PLS3: variants seen among roughly 807,000 people sequenced by gnomAD.
PLS3 encodes the protein plastin-3.
Under a neutral mutation model 46.5 loss-of-function variants are expected in PLS3, and 11 were observed. The observed-to-expected ratio is 0.24, with a 90% CI of 0.15 to 0.39. PLS3 has a LOEUF of 0.39. Among genes scored for constraint, PLS3 ranks in the 10% least tolerant of loss-of-function variants. The pLI, the probability that PLS3 is intolerant of heterozygous loss-of-function variation, is 1.00. For synonymous variants in PLS3, 167 were observed against 162.2 expected (o/e 1.03, Z -0.22); for missense variants, 308 against 461.8 (o/e 0.67, Z 3.05).
intron 1 of PLS3, among the ~76,000 whole-genome samples, chrX:115,606,173 T>C (rs1358891759): frequency 1.4e-5 from 1 of 69,885 alleles, no homozygotes; most frequent in Non-Finnish European, 2.5e-5. Context: ...TTCTTTTTTT[T>C]TTTTTTTTTT....
intron 2 of PLS3, chrX:115,614,675 C>T (rs1171853141): frequency 2.8e-6 from 1 of 357,427 alleles, no homozygotes; most frequent in African/African-American, 2.8e-5. Context: ...TTAAATTCTT[C>T]TGCCCAAGTC....
chrX:115,634,772 T>C (rs1243657746), intron 6 of PLS3, 109 bp from the exon 7 acceptor site: 6 of 710,741 alleles, frequency 8.4e-6, no homozygotes, highest in African/African-American at 2.2e-5. Flanking sequence ...ATGAAATTAA[T>C]ACAGGGTATT....
At chrX:115,606,961 C>T (rs917660440) in intron 1 of PLS3, among the ~76,000 whole-genome samples, 1 of 110,766 alleles carries the variant, frequency 9.0e-6, no homozygotes, top group Admixed American at 9.7e-5. Context: ...TTTAAAATGC[C>T]TAACTTCAGG....
chrX:115,629,988 A>C (rs933412050), intron 5 of PLS3, 21 bp downstream of exon 5: 12 of 1,093,899 alleles, frequency 1.1e-5, no homozygotes, highest in African/African-American at 1.8e-5. Context: ...AGCTTGTTTT[A>C]TATCCAGATA....
At chrX:115,622,045 T>A (rs1482875172) in intron 2 of PLS3, 1 of 368,585 alleles carries the variant, frequency 2.7e-6, no homozygotes, top group Non-Finnish European at 4.6e-6. Flanking sequence ...ACACATTGCT[T>A]AAATCACAGG....
chrX:115,629,635 G>A (rs1556638971), intron 4 of PLS3, among the ~76,000 whole-genome samples, 200 bp from the exon 5 acceptor site: 1 of 111,545 alleles, frequency 9.0e-6, no homozygotes, highest in Non-Finnish European at 1.9e-5. Context: ...ACTGGTTAAC[G>A]TGTTCTATTC....
chrX:115,631,396 A>T (rs1271037867), intron 5 of PLS3, among the ~76,000 whole-genome samples: 1 of 109,564 alleles, frequency 9.1e-6, no homozygotes, highest in Non-Finnish European at 1.9e-5. Flanking sequence ...AGTATACACA[A>T]TTCTTCTTTT....
chrX:115,561,216 T>C lies in PLS3; in HGVS notation c.-53T>C, dbSNP rs1206696322. 4 of 112,006 alleles carry C rather than the reference T, an allele frequency of 3.6e-5. No individual in the cohort carries two copies. Among genetic ancestry groups the C allele is most frequent in the African/African-American group, 1.3e-4 (4 of 30,754 alleles). 9.2% of individuals were successfully genotyped at this position (112,006 alleles called of 1,213,427 possible). A position where few individuals can be genotyped will look rare whatever the true frequency, so the allele number is the denominator to read the frequency against. On this transcript the variant is annotated 5_prime_UTR_variant, in exon 1 of 16. Transcript: ENST00000355899. ...GAGGTGCAGAAGTTGTCTGAGTGGG[T>C]TGGTCGGCGGCAGTCGGGCCAGACC...
chrX:115,634,904 C>T lies in PLS3; in HGVS notation c.606C>T (p.Asn202=), dbSNP rs782582437. The T allele has an allele frequency of 3.3e-6, 4 of 1,208,908 alleles. No individual in the cohort carries two copies. The Admixed American group carries it at 8.8e-5, about 26-fold the overall frequency. Residue 202 remains asparagine, a synonymous_variant, in exon 7 of 16, where the codon AAC becomes AAT. Transcript: ENST00000355899. ...IIQENLNLAL[N]SASAIGCHVV... ...AGGAAAACTTGAACTTGGCACTGAA[C>T]TCTGCTTCTGCCATTGGGTGTCATG...
chrX:115,626,009 A>C (rs983013262), intron 3 of PLS3, among the ~76,000 whole-genome samples: 5 of 112,479 alleles, frequency 4.4e-5, no homozygotes, highest in Non-Finnish European at 9.4e-5. Context: ...TGATAAAGCA[A>C]GTCTTTCCTT....
intron 1 of PLS3, among the ~76,000 whole-genome samples, chrX:115,583,197 A>G (rs1421084574): frequency 8.9e-6 from 1 of 112,698 alleles, no homozygotes; most frequent in Non-Finnish European, 1.9e-5. Flanking sequence ...TGTAAAGCTC[A>G]GGACAGTCTA....
intron 2 of PLS3, among the ~76,000 whole-genome samples, chrX:115,617,292 G>T (rs1556636946): frequency 8.9e-6 from 1 of 111,837 alleles, no homozygotes; most frequent in Non-Finnish European, 1.9e-5. Flanking sequence ...TCCTTGATGG[G>T]TGTGTTCACT....
chrX:115,591,449 C>T (rs186898405), intron 1 of PLS3, among the ~76,000 whole-genome samples: 31 of 111,669 alleles, frequency 2.8e-4, no homozygotes, highest in African/African-American at 9.8e-4. Flanking sequence ...AAACTTGAAA[C>T]GAGAGAAAGC....
rs147218070 is a variant in PLS3 at position 115,643,744 on chromosome X, G to A, written c.1183+236G>A. On this transcript the variant is annotated intron_variant, in intron 10 of 15. Transcript: ENST00000355899. ...CCAGCACTTTGGGAGGCCGACATGG[G>A]CGGATCACCTGAGGTCAGTAGTTTG... is the stretch of plus-strand genomic sequence containing the variant. Among the ~76,000 whole-genome samples, 583 of 111,455 alleles carry A rather than the reference G, an allele frequency of 5.2e-3. 15 individuals carry two copies. The highest frequency in any genetic ancestry group is 0.039 in the Admixed American group (404 of 10,435).
chrX:115,595,107 C>G (rs2074375789), intron 1 of PLS3, among the ~76,000 whole-genome samples: 1 of 111,801 alleles, frequency 8.9e-6, no homozygotes, highest in Non-Finnish European at 1.9e-5. Flanking sequence ...TGTCTTTAAT[C>G]TGACCAAATT....
intron 14 of PLS3, 78 bp downstream of exon 14, chrX:115,647,751 C>T: frequency 4.4e-6 from 5 of 1,128,507 alleles, no homozygotes; most frequent in Middle Eastern, 2.5e-4. Context: ...CTTTTGGCTT[C>T]TTTGTGAGTG....
At chrX:115,645,150 G>A in intron 11 of PLS3, 51 bp downstream of exon 11, 5 of 711,888 alleles carry the variant, frequency 7.0e-6, no homozygotes, top group Non-Finnish European at 1.1e-5. Context: ...ATGAATGGAT[G>A]TTAAATAATG....
chrX:115,613,526 C>T (rs972567175), intron 2 of PLS3, among the ~76,000 whole-genome samples: 1 of 110,809 alleles, frequency 9.0e-6, no homozygotes, highest in African/African-American at 3.3e-5. Context: ...AACTATAGCC[C>T]GTCTAAAAAA....
chrX:115,568,273 G>A (rs188591468), intron 1 of PLS3, among the ~76,000 whole-genome samples: 2 of 111,732 alleles, frequency 1.8e-5, no homozygotes, highest in East Asian at 2.8e-4. Context: ...AATCTACTGG[G>A]AAAGTGTCTT....
Sources: allele counts gnomAD v4.1 joint callset (sites outside exome capture counted in the v4.1 genomes callset), GRCh38; gene constraint gnomAD v4.1.1; transcripts MANE v1.5; gene names NCBI Gene and HGNC (gene_info 2026-07-23, HGNC 2026-07-21).